Variants in FBXL13 observed in about 807,000 individuals in gnomAD.
FBXL13 encodes F-box and leucine-rich repeat protein 13.
In FBXL13, 67 loss-of-function variants were observed where a neutral mutation model predicts 83.6. The observed-to-expected ratio is 0.80, with a 90% CI of 0.66 to 0.98. The LOEUF (loss-of-function observed/expected upper bound fraction) is 0.98, where lower values mean the gene tolerates loss of function less well. FBXL13 is among the 50% of genes least tolerant of loss of function. The probability of loss-of-function intolerance (pLI) is 0.00; values close to 1 mark genes in which losing one functional copy is unlikely to be tolerated. For synonymous variants in FBXL13, 272 were observed against 299.5 expected, an observed-to-expected ratio of 0.91 and a Z score of 0.95; for missense variants, 822 against 866.5, an observed-to-expected ratio of 0.95 and a Z score of 0.64.
chr7:103,019,006 T>C (rs1024479952), intron 6 of FBXL13, among the ~76,000 whole-genome samples: 4 of 152,176 alleles, frequency 2.6e-5, no homozygotes, highest in African/African-American at 7.2e-5. Context: ...CCACCCCAAA[T>C]CAACAGAATA....
intron 11 of FBXL13, among the ~76,000 whole-genome samples, chr7:102,909,687 G>A (rs1459758682): frequency 1.3e-5 from 2 of 152,160 alleles, no homozygotes; most frequent in Non-Finnish European, 2.9e-5. Flanking sequence ...TGTAACTTGG[G>A]AGCTAGAACC....
At chr7:103,041,477 C>T (rs1272394467) in intron 2 of FBXL13, among the ~76,000 whole-genome samples, 1 of 152,150 alleles carries the variant, frequency 6.6e-6, no homozygotes, top group East Asian at 1.9e-4. Context: ...TTTTATGAGG[C>T]TAGCATCATC....
chr7:102,915,742 T>A (rs56000005), intron 10 of FBXL13, among the ~76,000 whole-genome samples: 72,130 of 151,502 alleles, frequency 0.48, 19,706 homozygotes, highest in African/African-American at 0.77. Flanking sequence ...AAAAAACATT[T>A]ATGAGTAGAA....
exon 20 of FBXL13, chr7:102,813,341 G>T: frequency 1.9e-6 from 3 of 1,603,020 alleles, no homozygotes; most frequent in African/African-American, 1.3e-5. Context: ...GAGGCTGAAG[G>T]TCACGCTGCT....
At chr7:102,957,651 T>G (rs1321627403) in intron 8 of FBXL13, among the ~76,000 whole-genome samples, 1 of 151,914 alleles carries the variant, frequency 6.6e-6, no homozygotes, top group African/African-American at 2.4e-5. Context: ...AAAGGGCTAA[T>G]ATACAGAATC....
At chr7:102,913,179 A>G (rs2129469091) in exon 11 of FBXL13, 2 of 1,614,210 alleles carry the variant, frequency 1.2e-6, no homozygotes, top group South Asian at 2.2e-5. Context: ...ACCGTCTGCA[A>G]TAAGCCAAAC....
chr7:102,968,612 C>T (rs779399940), intron 6 of FBXL13, among the ~76,000 whole-genome samples: 1 of 152,052 alleles, frequency 6.6e-6, no homozygotes, highest in Non-Finnish European at 1.5e-5. Flanking sequence ...ATGTGGTAGA[C>T]CAAAAAATCA....
intron 1 of FBXL13, among the ~76,000 whole-genome samples, chr7:103,066,365 A>G (rs570370858): frequency 6.6e-6 from 1 of 151,774 alleles, no homozygotes; most frequent in Admixed American, 6.6e-5. Context: ...AAGAAACCTT[A>G]TATTTTTTGT....
chr7:103,062,042 A>C (rs1341782227), intron 1 of FBXL13, among the ~76,000 whole-genome samples: 3 of 148,250 alleles, frequency 2.0e-5, no homozygotes, highest in African/African-American at 7.9e-5. Context: ...AAAAAAAAAA[A>C]AACAAACCTT....
intron 6 of FBXL13, among the ~76,000 whole-genome samples, chr7:103,001,995 CCTAA>C (rs1790450622): frequency 6.6e-6 from 1 of 152,092 alleles, no homozygotes; most frequent in African/African-American, 2.4e-5. Flanking sequence ...ACTGGAGGGC[CCTAA>C]CTAATACAAT....
intron 14 of FBXL13, among the ~76,000 whole-genome samples, chr7:102,883,030 T>A (rs1031490654): frequency 6.6e-6 from 1 of 151,954 alleles, no homozygotes; most frequent in African/African-American, 2.4e-5. Context: ...AAACCCTCAA[T>A]AGGAAAGGTA....
chr7:103,057,878 T>C (rs1797487074), intron 1 of FBXL13, among the ~76,000 whole-genome samples: 1 of 152,190 alleles, frequency 6.6e-6, no homozygotes, highest in African/African-American at 2.4e-5. Context: ...TTCACTGTTT[T>C]CTGGTGGGGT....
chr7:102,855,122 G>T (rs1244510147), intron 16 of FBXL13, among the ~76,000 whole-genome samples: 1 of 152,078 alleles, frequency 6.6e-6, no homozygotes, highest in Non-Finnish European at 1.5e-5. Flanking sequence ...CTCCTTAGGA[G>T]GTTATTATCT....
intron 10 of FBXL13, among the ~76,000 whole-genome samples, chr7:102,913,594 G>T (rs1322535817): frequency 6.6e-6 from 1 of 152,104 alleles, no homozygotes; most frequent in Non-Finnish European, 1.5e-5. Flanking sequence ...TTTATCTCTG[G>T]AGTACCAAAA....
chr7:102,941,650 A>T, intron 8 of FBXL13, among the ~76,000 whole-genome samples: 1 of 152,124 alleles, frequency 6.6e-6, no homozygotes, highest in East Asian at 1.9e-4. Context: ...AGCCATTCCA[A>T]AGGTCCTTGG....
chr7:103,032,560 T>C (rs1794613770), intron 2 of FBXL13, among the ~76,000 whole-genome samples: 1 of 152,218 alleles, frequency 6.6e-6, no homozygotes, highest in Non-Finnish European at 1.5e-5. Context: ...ACAAGGACCA[T>C]ATATTTGCAT....
intron 2 of FBXL13, chr7:103,046,941 G>A (rs895447863): frequency 1.3e-5 from 2 of 152,194 alleles, no homozygotes; most frequent in Admixed American, 6.5e-5. Context: ...TTTCTCTGAT[G>A]TTCTCAAAAG....
In FBXL13 at chr7:102,969,830, G is replaced by T. The variant is rs140635141; in HGVS notation, c.496-1713C>A. 6.7e-3 allele frequency among the ~76,000 whole-genome samples: 831 copies of T among 124,702 alleles called. 16 individuals carry two copies. The highest frequency in any genetic ancestry group is 0.057 in the East Asian group (245 of 4,294). The allele number at this position is 124,702 out of a possible 152,430, so 81.8% of individuals were successfully genotyped here. On this transcript the variant is annotated intron_variant, in intron 6 of 19. Coordinates refer to ENST00000313221, the Ensembl canonical transcript of FBXL13. ...GAAGGGAAAGGAAAGGGAGGAGAGGGGAGGGGAGGGGAGGGGAGGGGAGGG... is the reference window on the plus strand; with the variant it reads ...GAAGGGAAAGGAAAGGGAGGAGAGGTGAGGGGAGGGGAGGGGAGGGGAGGG...
chr7:103,017,835 C>CA (rs1792562415), intron 6 of FBXL13, among the ~76,000 whole-genome samples: 1 of 151,734 alleles, frequency 6.6e-6, no homozygotes, highest in Non-Finnish European at 1.5e-5. Flanking sequence ...GTGAAAAGAC[C>CA]AAACCTAGTT....
Sources: gnomAD v4.1 joint callset for allele counts (sites outside exome capture counted in the v4.1 genomes callset) on GRCh38, gnomAD v4.1.1 for gene constraint, MANE v1.5 for transcripts, NCBI Gene and HGNC (gene_info 2026-07-23, HGNC 2026-07-21) for gene names.